The following CERS6 variants were observed in gnomAD, a reference collection of about 807,000 sequenced individuals.
The protein encoded by CERS6 is LAG1 homolog, ceramide synthase 6.
CERS6 carries 26 observed loss-of-function variants against 56.8 expected under a neutral mutation model. The ratio of observed to expected loss-of-function variants is 0.46; its 90% CI spans 0.34 to 0.63. CERS6 has a LOEUF of 0.63. Ranked by LOEUF, CERS6 falls within the 30% of genes least tolerant of loss-of-function variation. The pLI is 0.01. For synonymous variants in CERS6, 164 were observed against 173.3 expected (o/e 0.95, Z 0.42); for missense variants, 415 against 467.5 (o/e 0.89, Z 1.04).
chr2:168,500,943 CAATT>C (rs1694569409), intron 1 of CERS6, among the ~76,000 whole-genome samples: 1 of 152,294 alleles, frequency 6.6e-6, no homozygotes, highest in South Asian at 2.1e-4. Flanking sequence ...TCCTTTATAA[CAATT>C]AAAGCGACTA....
intron 4 of CERS6, among the ~76,000 whole-genome samples, chr2:168,636,763 T>G (rs1346476177): frequency 6.6e-6 from 1 of 152,212 alleles, no homozygotes; most frequent in Non-Finnish European, 1.5e-5. Context: ...TATGTTCTGA[T>G]TCTCCTCGTC....
intron 3 of CERS6, among the ~76,000 whole-genome samples, chr2:168,614,295 G>A (rs1684258200): frequency 6.6e-6 from 1 of 152,184 alleles, no homozygotes; most frequent in South Asian, 2.1e-4. Context: ...ATGCATATGT[G>A]TGAACATATA....
At chr2:168,669,570 C>G (rs1270967011) in intron 4 of CERS6, among the ~76,000 whole-genome samples, 2 of 152,144 alleles carry the variant, frequency 1.3e-5, no homozygotes, top group Non-Finnish European at 2.9e-5. Context: ...AAGCCACCCT[C>G]TTCATACTGA....
Position 168,547,540 on chromosome 2 carries a change from A to G in CERS6, c.171-56A>G. 3.1e-6 allele frequency: 3 copies of G among 964,214 alleles called. 1 individual carries two copies. The highest frequency in any genetic ancestry group is 5.0e-5 in the East Asian group (2 of 39,656). 59.7% of individuals were successfully genotyped at this position (964,214 alleles called of 1,614,324 possible). ...TAATGTGTAACTGGTGGCATTAAGA[A>G]TCACATAGAAAGAATAAATTCTGAC... is the stretch of plus-strand genomic sequence containing the variant. On this transcript the variant is annotated intron_variant, in intron 1 of 9. Transcript: ENST00000305747.
chr2:168,458,578 A>G (rs1029804474), intron 1 of CERS6, among the ~76,000 whole-genome samples: 1 of 152,194 alleles, frequency 6.6e-6, no homozygotes, highest in Admixed American at 6.5e-5. Context: ...GCTGCTTTCA[A>G]TTGTCAGTCA....
Position 168,456,648 on chromosome 2 carries a change from C to G in CERS6, c.170+30C>G, listed in dbSNP as rs1014547603. On this transcript the variant is annotated intron_variant, in intron 1 of 9. Transcript: ENST00000305747. This position sits in a 1 kb window ranked among gnomAD's most constrained non-coding sequence, Gnocchi z 4.1. ...GAAGGGCTGAAGCCCCTCCTCCCCT[C>G]CCCCTGCGCACACACACGCGCGCAC... 1 of 1,602,152 alleles carries G rather than the reference C, an allele frequency of 6.2e-7. No individual in the cohort carries two copies. Among genetic ancestry groups the G allele is most frequent in the Non-Finnish European group, 8.5e-7 (1 of 1,172,644 alleles).
chr2:168,558,908 A>G (rs1695735063), intron 2 of CERS6, among the ~76,000 whole-genome samples: 1 of 152,194 alleles, frequency 6.6e-6, no homozygotes. Context: ...AACTATGGTT[A>G]TCTGATAAGA....
chr2:168,507,463 C>T (rs548824097), intron 1 of CERS6, among the ~76,000 whole-genome samples: 12 of 152,144 alleles, frequency 7.9e-5, no homozygotes, highest in East Asian at 1.9e-4. Context: ...TGACTGGGCT[C>T]AGTTAATGCA....
At chr2:168,587,139 A>G (rs935191332) in intron 3 of CERS6, among the ~76,000 whole-genome samples, 1 of 30,516 alleles carries the variant, frequency 3.3e-5, no homozygotes, top group African/African-American at 9.3e-5. Context: ...AGATTGTGCC[A>G]GTGCAGCTGG....
intron 4 of CERS6, among the ~76,000 whole-genome samples, chr2:168,669,002 C>T (rs917918600): frequency 6.6e-6 from 1 of 152,066 alleles, no homozygotes; most frequent in African/African-American, 2.4e-5. Flanking sequence ...CTTTGTATGT[C>T]CCTCGCTGTT....
At chr2:168,617,397 A>G (rs1684343387) in intron 3 of CERS6, among the ~76,000 whole-genome samples, 1 of 152,174 alleles carries the variant, frequency 6.6e-6, no homozygotes, top group South Asian at 2.1e-4. Context: ...GCAGAACTAA[A>G]TGAAATTGAA....
intron 3 of CERS6, among the ~76,000 whole-genome samples, chr2:168,589,235 TTC>T (rs1466772920): frequency 6.6e-6 from 1 of 152,228 alleles, no homozygotes; most frequent in African/African-American, 2.4e-5. Context: ...CCTTCCTTCC[TTC>T]TCTCTTTCTT....
At chr2:168,659,547 A>G (rs1685575203) in intron 4 of CERS6, among the ~76,000 whole-genome samples, 1 of 152,338 alleles carries the variant, frequency 6.6e-6, no homozygotes, top group Non-Finnish European at 1.5e-5. Context: ...TGTAGAAAGA[A>G]AAGAAAGGTT....
At chr2:168,740,006 A>G (rs1419432009) in intron 8 of CERS6, among the ~76,000 whole-genome samples, 1 of 152,164 alleles carries the variant, frequency 6.6e-6, no homozygotes, top group African/African-American at 2.4e-5. Flanking sequence ...CAGCCTGGAA[A>G]GGAACATTTA....
intron 2 of CERS6, among the ~76,000 whole-genome samples, chr2:168,551,174 G>A (rs560961560): frequency 1.6e-4 from 24 of 152,294 alleles, no homozygotes; most frequent in African/African-American, 5.5e-4. Flanking sequence ...GACAGCACAG[G>A]TCACATGCCC....
chr2:168,636,543 G>T (rs1012992883), intron 4 of CERS6, among the ~76,000 whole-genome samples: 2 of 152,114 alleles, frequency 1.3e-5, no homozygotes, highest in African/African-American at 2.4e-5. Context: ...GGAATTATTT[G>T]TGTAAGTCCA....
chr2:168,759,859 A>G (rs1029268927), intron 8 of CERS6, among the ~76,000 whole-genome samples: 3 of 151,898 alleles, frequency 2.0e-5, no homozygotes, highest in Admixed American at 6.6e-5. Flanking sequence ...CCCTGATATT[A>G]TAGTAATTAT....
Position 168,456,454 on chromosome 2 carries a change from A to T in CERS6, c.6A>T (p.Ala2=). The change falls in exon 1 of 10, where the codon GCA becomes GCT. Residue 2 remains alanine (A), a synonymous_variant. Coordinates refer to ENST00000305747, the MANE Select transcript of CERS6 (RefSeq NM_203463.3). This position sits in a 1 kb window ranked among gnomAD's most constrained non-coding sequence, Gnocchi z 4.1. ...ACAGGAGTGGACAAAGCAAGATGGC[A>T]GGGATCTTAGCCTGGTTCTGGAACG... M[A]GILAWFWNER... is the part of the protein sequence containing the mutation. The T allele has an allele frequency of 6.2e-7, 1 of 1,612,968 alleles. No homozygotes were observed. Among genetic ancestry groups the T allele is most frequent in the African/African-American group, 1.3e-5 (1 of 74,936 alleles).
At chr2:168,484,107 T>A (rs1694227150) in intron 1 of CERS6, among the ~76,000 whole-genome samples, 1 of 150,360 alleles carries the variant, frequency 6.7e-6, no homozygotes, top group Admixed American at 6.6e-5. Flanking sequence ...TGTCACTGAA[T>A]ACAACAAAAA....
Sources: allele counts gnomAD v4.1 joint callset (sites outside exome capture counted in the v4.1 genomes callset), GRCh38; gene constraint gnomAD v4.1.1; non-coding constraint Gnocchi (gnomAD v3.1); transcripts MANE v1.5; gene names NCBI Gene and HGNC (gene_info 2026-07-23, HGNC 2026-07-21).